The following SPDYE12 variants were observed in gnomAD, a reference collection of about 807,000 sequenced individuals.
The protein encoded by SPDYE12 is speedy/RINGO cell cycle regulator family member E12, also known as speedy protein E12.
the SPDYE12 span, chr7:74,909,605 A>T: frequency 6.8e-7 from 1 of 1,474,790 alleles, no homozygotes; most frequent in Non-Finnish European, 9.5e-7. Flanking sequence ...TAGCCAGGAG[A>T]TACTGATGGA....
the SPDYE12 span, among the ~76,000 whole-genome samples, chr7:74,908,988 C>T: frequency 7.1e-6 from 1 of 140,234 alleles, no homozygotes; most frequent in Non-Finnish European, 1.5e-5. Flanking sequence ...GCCTGTTTTA[C>T]TCTTGTATTT....
At chr7:74,912,767 C>CTTTTTTT in the SPDYE12 span, among the ~76,000 whole-genome samples, 3 of 11,744 alleles carry the variant, frequency 2.6e-4, no homozygotes, top group East Asian at 1.7e-3. Flanking sequence ...TCTTTTTTTT[C>CTTTTTTT]TTCTTTTTTT....
the SPDYE12 span, chr7:74,910,719 A>C: frequency 2.0e-5 from 28 of 1,387,602 alleles, 1 homozygote; most frequent in Non-Finnish European, 2.5e-5. Context: ...AAAACAAAAA[A>C]AAACTGTAGG....
At chr7:74,909,385 T>TA in the SPDYE12 span, 1 of 1,431,298 alleles carries the variant, frequency 7.0e-7, no homozygotes, top group South Asian at 1.2e-5. Context: ...CAGTCTAAGA[T>TA]ACTATAATCC....
At chr7:74,907,946 C>T in the SPDYE12 span, among the ~76,000 whole-genome samples, 1 of 149,696 alleles carries the variant, frequency 6.7e-6, no homozygotes, top group Non-Finnish European at 1.5e-5. Flanking sequence ...ATTGAATACA[C>T]TGATATTTTG....
the SPDYE12 span, among the ~76,000 whole-genome samples, chr7:74,910,375 T>G: frequency 1.3e-5 from 2 of 148,768 alleles, no homozygotes; most frequent in East Asian, 3.9e-4. Context: ...GAAAAAAAAA[T>G]GTGTGGGTGC....
chr7:74,915,041 G>T, the SPDYE12 span, among the ~76,000 whole-genome samples: 1 of 151,946 alleles, frequency 6.6e-6, no homozygotes, highest in Admixed American at 6.6e-5. Flanking sequence ...TAAACTGAAT[G>T]CGGAAGGAAA....
At chr7:74,907,717 C>A in the SPDYE12 span, among the ~76,000 whole-genome samples, 6 of 147,908 alleles carry the variant, frequency 4.1e-5, no homozygotes, top group Non-Finnish European at 7.5e-5. Flanking sequence ...AGAGACACAG[C>A]AACACTCTTG....
chr7:74,908,604 C>T, the SPDYE12 span, among the ~76,000 whole-genome samples: 2 of 143,934 alleles, frequency 1.4e-5, no homozygotes, highest in African/African-American at 5.1e-5. Flanking sequence ...ATGTCCGCTC[C>T]TCCGCTCCTT....
At chr7:74,909,422 G>A in the SPDYE12 span, 1 of 1,125,566 alleles carries the variant, frequency 8.9e-7, no homozygotes, top group Non-Finnish European at 1.3e-6. Context: ...AGAGTAAAGA[G>A]GACAAATAGG....
the SPDYE12 span, among the ~76,000 whole-genome samples, chr7:74,907,764 A>C: frequency 1.4e-5 from 2 of 140,116 alleles, no homozygotes; most frequent in Non-Finnish European, 3.0e-5. Flanking sequence ...TAAATAAATA[A>C]ATAAATAACT....
the SPDYE12 span, chr7:74,910,794 G>A: frequency 8.8e-5 from 114 of 1,292,950 alleles, 3 homozygotes; most frequent in African/African-American, 4.4e-4. Flanking sequence ...CCCCCTGGCC[G>A]TGCGTTAGAA....
At chr7:74,910,554 G>A in the SPDYE12 span, among the ~76,000 whole-genome samples, 1 of 149,420 alleles carries the variant, frequency 6.7e-6, no homozygotes, top group African/African-American at 2.4e-5. Flanking sequence ...GCCAGGCGTG[G>A]TGGTTCATGT....
the SPDYE12 span, among the ~76,000 whole-genome samples, chr7:74,910,440 A>G: frequency 6.7e-6 from 1 of 149,552 alleles, no homozygotes; most frequent in African/African-American, 2.4e-5. Flanking sequence ...CTGTAATCTC[A>G]GCACTTTGGG....
chr7:74,910,365 G>C, the SPDYE12 span, among the ~76,000 whole-genome samples: 1 of 149,766 alleles, frequency 6.7e-6, no homozygotes, highest in Admixed American at 6.7e-5. Flanking sequence ...TCTTGTCTCA[G>C]AAAAAAAAAT....
the SPDYE12 span, among the ~76,000 whole-genome samples, chr7:74,914,929 A>G: frequency 1.1e-5 from 1 of 94,346 alleles, no homozygotes; most frequent in Non-Finnish European, 2.5e-5. Flanking sequence ...ATCTCAAAAA[A>G]AAAAAACAAA....
At chr7:74,907,092 A>G in the SPDYE12 span, 2 of 1,508,622 alleles carry the variant, frequency 1.3e-6, no homozygotes, top group Non-Finnish European at 1.8e-6. Flanking sequence ...CATTGGCCAG[A>G]TAGCTGAGGA....
chr7:74,910,986 G>T, the SPDYE12 span: 5 of 934,288 alleles, frequency 5.4e-6, no homozygotes, highest in Middle Eastern at 3.1e-4. Flanking sequence ...CCTCCCGGGG[G>T]AAAGTCTCAG....
the SPDYE12 span, among the ~76,000 whole-genome samples, chr7:74,909,055 T>G: frequency 7.5e-6 from 1 of 133,748 alleles, no homozygotes; most frequent in Admixed American, 7.5e-5. Flanking sequence ...TTTTTTGGCT[T>G]TTTTTTTTTT....
Sources: allele counts gnomAD v4.1 joint callset (sites outside exome capture counted in the v4.1 genomes callset), GRCh38; gene constraint gnomAD v4.1.1; transcripts MANE v1.5; gene names NCBI Gene and HGNC (gene_info 2026-07-23, HGNC 2026-07-21).